TMEM117: variants seen among roughly 807,000 people sequenced by gnomAD.
The protein encoded by TMEM117 is transmembrane protein 117.
In TMEM117, 27 loss-of-function variants were observed where a neutral mutation model predicts 52.4. The ratio of observed to expected loss-of-function variants is 0.51; its 90% CI spans 0.38 to 0.71. TMEM117 has a LOEUF of 0.71. TMEM117 is among the 30% of genes least tolerant of loss of function. TMEM117 has a pLI of 0.00. For missense variants in TMEM117, 556 were observed against 630.5 expected, an observed-to-expected ratio of 0.88 and a Z score of 1.26; for synonymous variants, 215 against 206.3, an observed-to-expected ratio of 1.04 and a Z score of -0.36.
In TMEM117 at chr12:44,249,341, T is replaced by G. The variant is rs150323049; in HGVS notation, c.608+37954T>G. ...ACTAGAATCCATACAACGGGTAAAA[T>G]TCCAAATATGGTCAAGATTTTGAGA... is the stretch of plus-strand genomic sequence containing the variant. On this transcript the variant is annotated intron_variant, in intron 5 of 7. Transcript: ENST00000266534. 1.2e-3 allele frequency among the ~76,000 whole-genome samples: 186 copies of G among 152,224 alleles called. 3 individuals carry two copies. The highest frequency in any genetic ancestry group is 0.011 in the Admixed American group (163 of 15,278).
chr12:43,843,564 C>T (rs1050644282), intron 1 of TMEM117, among the ~76,000 whole-genome samples: 4 of 152,214 alleles, frequency 2.6e-5, no homozygotes, highest in African/African-American at 7.2e-5. Flanking sequence ...AGGTTAGGAC[C>T]TACTACTGTG....
At chr12:44,317,409 T>C (rs188054165) in intron 6 of TMEM117, among the ~76,000 whole-genome samples, 164 of 152,170 alleles carry the variant, frequency 1.1e-3, no homozygotes, top group African/African-American at 3.9e-3. Context: ...GTTTTTGTTT[T>C]TGAGACAAAG....
the TMEM117 span, among the ~76,000 whole-genome samples, chr12:43,827,911 A>G: frequency 5.9e-5 from 9 of 152,208 alleles, no homozygotes; most frequent in African/African-American, 2.2e-4. Context: ...ACACACAGAC[A>G]CAGAAGAGAG....
intron 4 of TMEM117, among the ~76,000 whole-genome samples, chr12:44,198,604 G>A (rs1949451938): frequency 6.6e-6 from 1 of 152,172 alleles, no homozygotes; most frequent in Non-Finnish European, 1.5e-5. Context: ...CTTACCCCAA[G>A]AGGGTATAAA....
At chr12:44,350,367 C>G (rs575564629) in intron 6 of TMEM117, among the ~76,000 whole-genome samples, 1 of 151,890 alleles carries the variant, frequency 6.6e-6, no homozygotes, top group East Asian at 1.9e-4. Context: ...ATCTGTGCCC[C>G]CAAGCATTTA....
intron 3 of TMEM117, among the ~76,000 whole-genome samples, chr12:44,119,093 T>C (rs1285789488): frequency 5.3e-5 from 8 of 152,250 alleles, no homozygotes; most frequent in Admixed American, 6.5e-5. Context: ...TATTTTTACT[T>C]ATGCTCCACT....
chr12:43,832,388 A>C (rs1271183443), upstream of TMEM117, among the ~76,000 whole-genome samples: 2 of 152,234 alleles, frequency 1.3e-5, no homozygotes, highest in Admixed American at 1.3e-4. Flanking sequence ...TGTGGTAGTG[A>C]TTGGGATGGA....
chr12:43,854,916 C>A (rs1305126551), intron 2 of TMEM117, among the ~76,000 whole-genome samples: 1 of 152,170 alleles, frequency 6.6e-6, no homozygotes, highest in South Asian at 2.1e-4. Context: ...GGATTACAGG[C>A]GTGAGCCACC....
At chr12:44,367,791 T>TC in intron 6 of TMEM117, among the ~76,000 whole-genome samples, 1 of 152,248 alleles carries the variant, frequency 6.6e-6, no homozygotes, top group East Asian at 1.9e-4. Flanking sequence ...GTGTATTGGT[T>TC]CCCCAATGTC....
chr12:44,083,165 C>G (rs1229562723), intron 3 of TMEM117, among the ~76,000 whole-genome samples: 2 of 151,892 alleles, frequency 1.3e-5, no homozygotes, highest in Non-Finnish European at 2.9e-5. Context: ...TAAACATATG[C>G]AAAAGTTTTT....
At chr12:44,299,410 G>A (rs1950810113) in intron 5 of TMEM117, among the ~76,000 whole-genome samples, 170 bp from the exon 6 acceptor site, 2 of 152,200 alleles carry the variant, frequency 1.3e-5, no homozygotes, top group African/African-American at 4.8e-5. Context: ...TGGGACTACA[G>A]GCATGAGCCA....
intron 5 of TMEM117, among the ~76,000 whole-genome samples, chr12:44,230,168 C>T (rs1339413747): frequency 2.0e-5 from 3 of 152,024 alleles, no homozygotes; most frequent in Admixed American, 6.6e-5. Context: ...CAGTTTTATA[C>T]ATAAGGAAAC....
intron 4 of TMEM117, among the ~76,000 whole-genome samples, chr12:44,203,077 G>A: frequency 6.6e-6 from 1 of 151,066 alleles, no homozygotes; most frequent in Admixed American, 6.6e-5. Context: ...TTACAGGGGT[G>A]AGCCACCACA....
chr12:44,162,631 T>G (rs1156680825), intron 4 of TMEM117, among the ~76,000 whole-genome samples: 1 of 152,206 alleles, frequency 6.6e-6, no homozygotes, highest in Non-Finnish European at 1.5e-5. Flanking sequence ...ATCTGTTTAC[T>G]GTAGCATTAA....
intron 3 of TMEM117, among the ~76,000 whole-genome samples, chr12:44,025,287 G>C (rs1946515784): frequency 6.6e-6 from 1 of 152,156 alleles, no homozygotes; most frequent in African/African-American, 2.4e-5. Context: ...ACCATACGCA[G>C]CGGGTGTGCA....
At chr12:43,998,579 G>A (rs1010963026) in intron 3 of TMEM117, among the ~76,000 whole-genome samples, 1 of 152,124 alleles carries the variant, frequency 6.6e-6, no homozygotes, top group Admixed American at 6.5e-5. Context: ...ATCAATTCCA[G>A]ATGAAGTGTA....
chr12:44,114,067 C>G (rs369691409), intron 3 of TMEM117, among the ~76,000 whole-genome samples: 37 of 141,300 alleles, frequency 2.6e-4, no homozygotes, highest in South Asian at 4.6e-4. Flanking sequence ...TGCTTCGGCT[C>G]GCGCACGGTG....
chr12:43,825,786 G>C, the TMEM117 span, among the ~76,000 whole-genome samples: 3 of 152,170 alleles, frequency 2.0e-5, no homozygotes, highest in Non-Finnish European at 2.9e-5. Context: ...TGGTTTAGTA[G>C]GTAGGGTTCT....
chr12:44,080,543 T>A (rs1947465539), intron 3 of TMEM117, among the ~76,000 whole-genome samples: 1 of 152,148 alleles, frequency 6.6e-6, no homozygotes, highest in Non-Finnish European at 1.5e-5. Flanking sequence ...AAGATGATGT[T>A]TTTAAGAAAG....
Sources: gnomAD v4.1 joint callset for allele counts (sites outside exome capture counted in the v4.1 genomes callset) on GRCh38, gnomAD v4.1.1 for gene constraint, MANE v1.5 for transcripts, NCBI Gene and HGNC (gene_info 2026-07-23, HGNC 2026-07-21) for gene names.